The following GGNBP2 variants were observed in gnomAD, a reference collection of about 807,000 sequenced individuals.
The protein encoded by GGNBP2 is gametogenetin binding protein 2.
Under a neutral mutation model 85.9 loss-of-function variants are expected in GGNBP2, and 10 were observed. That is an observed-to-expected ratio of 0.12 (90% CI 0.07 to 0.20). The LOEUF (loss-of-function observed/expected upper bound fraction) is 0.20, where lower values mean the gene tolerates loss of function less well. Ranked by LOEUF, GGNBP2 falls within the 10% of genes least tolerant of loss-of-function variation. The probability of loss-of-function intolerance (pLI) is 1.00; values close to 1 mark genes in which losing one functional copy is unlikely to be tolerated. For synonymous variants in GGNBP2, 287 were observed against 285.7 expected (o/e 1.00, Z -0.05); for missense variants, 595 against 857.8 (o/e 0.69, Z 3.83).
chr17:36,574,521 C>T (rs570602963), intron 6 of GGNBP2: 10 of 362,684 alleles, frequency 2.8e-5, no homozygotes, highest in South Asian at 2.6e-4. Context: ...TGGGTCTTGA[C>T]GAGATGGTCA....
intron 4 of GGNBP2, among the ~76,000 whole-genome samples, chr17:36,558,996 G>T (rs1413878325): frequency 6.6e-6 from 1 of 151,996 alleles, no homozygotes; most frequent in African/African-American, 2.4e-5. Flanking sequence ...TCTCAGATTT[G>T]TGATGTAAAG....
chr17:36,574,935 G>A, intron 6 of GGNBP2: 5 of 1,081,560 alleles, frequency 4.6e-6, no homozygotes, highest in Non-Finnish European at 6.9e-6. Context: ...AGACCGATGT[G>A]GCCATTGTAG....
At chr17:36,571,232 A>G (rs924492460) in intron 6 of GGNBP2, among the ~76,000 whole-genome samples, 4 of 152,144 alleles carry the variant, frequency 2.6e-5, no homozygotes, top group African/African-American at 9.7e-5. Flanking sequence ...CAGGAGTTCA[A>G]TACCAGCTTG....
intron 6 of GGNBP2, among the ~76,000 whole-genome samples, chr17:36,569,870 G>T (rs2074505953): frequency 6.6e-6 from 1 of 152,152 alleles, no homozygotes; most frequent in South Asian, 2.1e-4. Context: ...TGGTTTTGTA[G>T]ATTTTCCTAT....
chr17:36,566,601 C>CAA (rs2074471308), intron 5 of GGNBP2, among the ~76,000 whole-genome samples: 1 of 151,704 alleles, frequency 6.6e-6, no homozygotes, highest in Non-Finnish European at 1.5e-5. Context: ...ATCACTTGAG[C>CAA]CCCTGCAGGG....
At chr17:36,586,265 G>C (rs2074700788) in intron 12 of GGNBP2, 67 bp downstream of exon 12, 2 of 1,545,658 alleles carry the variant, frequency 1.3e-6, no homozygotes, top group African/African-American at 2.8e-5. Flanking sequence ...TTTCCTTGGA[G>C]TGGCATATGT....
rs141765892 is a variant in GGNBP2 at position 36,568,295 on chromosome 17, AT to A, written c.641+532del. Among the ~76,000 whole-genome samples, 240 of 141,354 alleles carry A rather than the reference AT, an allele frequency of 1.7e-3. No homozygotes were observed. In the East Asian group the frequency reaches 0.019, roughly 11 times the overall value. 92.7% of individuals were successfully genotyped at this position (141,354 alleles called of 152,430 possible). A position where few individuals can be genotyped will look rare whatever the true frequency, so the allele number is the denominator to read the frequency against. On this transcript the variant is annotated intron_variant, in intron 6 of 13. Transcript: ENST00000613102. ...TTAAGCCAGCATCTCCTATTTTGTG[AT>A]TTTTTTTTTTTTCTTTTTGAGACAG...
At chr17:36,551,689 CA>C (rs1269132792) in intron 2 of GGNBP2, among the ~76,000 whole-genome samples, 1 of 151,720 alleles carries the variant, frequency 6.6e-6, no homozygotes, top group Non-Finnish European at 1.5e-5. Flanking sequence ...ACTAAAAATA[CA>C]AAAATTAGCT....
intron 2 of GGNBP2, among the ~76,000 whole-genome samples, chr17:36,550,163 C>G (rs1599496078): frequency 6.6e-6 from 1 of 152,272 alleles, no homozygotes; most frequent in South Asian, 2.1e-4. Context: ...GTCTCGAACT[C>G]CTGACCTCAA....
At chr17:36,552,380 A>G (rs1422322945) in intron 2 of GGNBP2, among the ~76,000 whole-genome samples, 3 of 152,216 alleles carry the variant, frequency 2.0e-5, no homozygotes, top group Non-Finnish European at 4.4e-5. Flanking sequence ...TGAGTAGAGC[A>G]TGTTAATTAG....
chr17:36,581,494 A>T lies in GGNBP2; in HGVS notation c.1171A>T (p.Thr391Ser), dbSNP rs555095991. ...AAATAAGTGTGTGTGTGATATTCCTACTCCCTTACAAACAGCAGATGAAAA... is the reference window on the plus strand; with the variant it reads ...AAATAAGTGTGTGTGTGATATTCCTTCTCCCTTACAAACAGCAGATGAAAA... Reference protein sequence around the residue: ...RKNKCVCDIPTPLQTADEKEV... With the variant: ...RKNKCVCDIPSPLQTADEKEV... The change falls in exon 9 of 14, where the codon ACT becomes TCT. Residue 391 changes from threonine to serine, a missense_variant. Transcript: ENST00000613102. 1.5e-5 allele frequency: 24 copies of T among 1,612,214 alleles called. No individual in the cohort carries two copies. The highest frequency in any genetic ancestry group is 2.0e-5 in the Non-Finnish European group (24 of 1,179,412).
chr17:36,575,007 C>G (rs1203063819), intron 6 of GGNBP2: 3 of 1,530,828 alleles, frequency 2.0e-6, no homozygotes, highest in Non-Finnish European at 2.6e-6. Context: ...TGCTTCTGCA[C>G]TGGCATAATC....
In GGNBP2 at chr17:36,568,525, G is replaced by C. The variant is rs146789559; in HGVS notation, c.641+749G>C. Among the ~76,000 whole-genome samples, 538 of 151,850 alleles carry C rather than the reference G, an allele frequency of 3.5e-3. 2 individuals are homozygous for C. The highest frequency in any genetic ancestry group is 0.012 in the African/African-American group (512 of 41,398). On this transcript the variant is annotated intron_variant, in intron 6 of 13. Coordinates refer to ENST00000613102, the MANE Select transcript of GGNBP2 (RefSeq NM_024835.5). ...TTGTTCAGGCTGGTCTCGAACTCCT[G>C]ACCTCAGGTAATCCATCTGCCTCGA...
chr17:36,572,875 T>C (rs1200314222), intron 6 of GGNBP2, among the ~76,000 whole-genome samples: 2 of 152,154 alleles, frequency 1.3e-5, no homozygotes, highest in Non-Finnish European at 2.9e-5. Flanking sequence ...AATTCTTCTT[T>C]CTGTTTCTGA....
At chr17:36,551,264 T>G (rs1442355898) in intron 2 of GGNBP2, among the ~76,000 whole-genome samples, 1 of 151,826 alleles carries the variant, frequency 6.6e-6, no homozygotes, top group East Asian at 1.9e-4. Flanking sequence ...TGGCGTGCAA[T>G]GGCACGATCT....
Position 36,545,659 on chromosome 17 carries a change from A to AGCAGCGGCG in GGNBP2, c.-63_-55dup, listed in dbSNP as rs2074245009. 7.8e-7 allele frequency: 1 copy of AGCAGCGGCG among 1,280,502 alleles called. No individual in the cohort carries two copies. The allele number at this position is 1,280,502 out of a possible 1,614,324, so 79.3% of individuals were successfully genotyped here. Reference sequence around the variant, plus strand: ...AGGCGGCAGCGGCGGCGGCAGAAACAGCAGCGGCGGCGGCGGCGGCAGCTG... The same window carrying AGCAGCGGCG: ...AGGCGGCAGCGGCGGCGGCAGAAACAGCAGCGGCGGCAGCGGCGGCGGCGGCGGCAGCTG... On this transcript the variant is annotated 5_prime_UTR_variant, in exon 2 of 14. Coordinates refer to ENST00000613102, the MANE Select transcript of GGNBP2 (RefSeq NM_024835.5).
intron 4 of GGNBP2, among the ~76,000 whole-genome samples, chr17:36,558,152 G>A (rs1291882275): frequency 6.6e-6 from 1 of 151,892 alleles, no homozygotes; most frequent in Non-Finnish European, 1.5e-5. Flanking sequence ...GGTGGCTCAC[G>A]CCTATAATCC....
chr17:36,563,856 G>T (rs1307074102), intron 5 of GGNBP2, among the ~76,000 whole-genome samples: 1 of 150,944 alleles, frequency 6.6e-6, no homozygotes, highest in Non-Finnish European at 1.5e-5. Flanking sequence ...TGATTCTCCT[G>T]CCTCAGCCTC....
chr17:36,557,256 A>C lies in GGNBP2; in HGVS notation c.348A>C (p.Val116=). The C allele has an allele frequency of 6.2e-7, 1 of 1,613,706 alleles. No individual in the cohort carries two copies. The highest frequency in any genetic ancestry group is 2.2e-5 in the East Asian group (1 of 44,876). The change falls in exon 4 of 14, where the codon GTA becomes GTC. Residue 116 remains valine, a synonymous_variant. Transcript: ENST00000613102. Reference sequence around the variant, plus strand: ...ATCCTGCTCTTGAACCCCTAACAGTAGGGCCCAAGGGAGTCCTGTCTGTAA... The same window carrying C: ...ATCCTGCTCTTGAACCCCTAACAGTCGGGCCCAAGGGAGTCCTGTCTGTAA... ...SGNPALEPLT[V]GPKGVLSVTR...
Sources: gnomAD v4.1 joint callset for allele counts (sites outside exome capture counted in the v4.1 genomes callset) on GRCh38, gnomAD v4.1.1 for gene constraint, MANE v1.5 for transcripts, NCBI Gene and HGNC (gene_info 2026-07-23, HGNC 2026-07-21) for gene names.